The following MINDY4 variants were observed in gnomAD, a reference collection of about 807,000 sequenced individuals.
MINDY4 encodes probable ubiquitin carboxyl-terminal hydrolase MINDY-4.
A neutral mutation model predicts 87.0 loss-of-function variants in MINDY4; 68 were observed. The ratio of observed to expected loss-of-function variants is 0.78; its 90% CI spans 0.64 to 0.96. The LOEUF is 0.96. Among genes scored for constraint, MINDY4 ranks in the 40% least tolerant of loss-of-function variants. The pLI is 0.00. For synonymous variants in MINDY4, 379 were observed against 363.2 expected (o/e 1.04, Z -0.50); for missense variants, 919 against 928.2 (o/e 0.99, Z 0.13).
intron 13 of MINDY4, among the ~76,000 whole-genome samples, chr7:30,870,299 G>C (rs765624043): frequency 1.8e-4 from 27 of 152,156 alleles, no homozygotes; most frequent in Non-Finnish European, 3.4e-4. Flanking sequence ...GATGCTTATC[G>C]GCCCCCCCTC....
chr7:30,785,358 A>G (rs545740297), intron 3 of MINDY4, among the ~76,000 whole-genome samples: 61 of 151,620 alleles, frequency 4.0e-4, no homozygotes, highest in Non-Finnish European at 7.1e-4. Flanking sequence ...CAAGTTTGCT[A>G]TGGGTCTTCT....
chr7:30,827,613 T>C (rs776443523), intron 5 of MINDY4, among the ~76,000 whole-genome samples: 10 of 152,226 alleles, frequency 6.6e-5, no homozygotes, highest in Non-Finnish European at 1.3e-4. Context: ...GCAAATGACT[T>C]GACTGAGTTG....
Position 30,785,791 on chromosome 7 carries a change from A to G in MINDY4, c.462A>G (p.Ser154=), listed in dbSNP as rs774052293. The change falls in exon 4 of 18, where the codon TCA becomes TCG. Residue 154 remains serine (S), a synonymous_variant. Transcript: ENST00000265299. ...GAGATGTACTTGGTAATTTTGTATC[A>G]TCTAAAAGGCCCCCGCACAAAAGTA... ...LDGDVLGNFV[S]SKRPPHKSKP... 1.2e-6 allele frequency: 2 copies of G among 1,614,238 alleles called. No homozygotes were observed. Among genetic ancestry groups the G allele is most frequent in the Admixed American group, 1.7e-5 (1 of 60,030 alleles).
intron 5 of MINDY4, among the ~76,000 whole-genome samples, chr7:30,798,642 G>A (rs533469058): frequency 2.6e-5 from 4 of 152,092 alleles, no homozygotes; most frequent in Non-Finnish European, 4.4e-5. Flanking sequence ...GACTGCAGTC[G>A]CCCGCCACCA....
intron 5 of MINDY4, among the ~76,000 whole-genome samples, chr7:30,799,116 G>A (rs1195144826): frequency 6.6e-6 from 1 of 152,082 alleles, no homozygotes; most frequent in African/African-American, 2.4e-5. Flanking sequence ...AGTCTGCTGA[G>A]CAGACCTCCA....
chr7:30,835,116 G>A (rs1250182731), intron 6 of MINDY4, among the ~76,000 whole-genome samples: 2 of 152,160 alleles, frequency 1.3e-5, no homozygotes, highest in Non-Finnish European at 2.9e-5. Context: ...CCAATTTACT[G>A]TATTAGTCTG....
At chr7:30,790,871 C>G (rs573900292) in intron 4 of MINDY4, among the ~76,000 whole-genome samples, 109 of 152,294 alleles carry the variant, frequency 7.2e-4, no homozygotes, top group African/African-American at 2.6e-3. Flanking sequence ...GTGATGCAGA[C>G]TGGAGCGACG....
At chr7:30,836,614 G>T (rs138371071) in intron 6 of MINDY4, 44 bp from the exon 7 acceptor site, 1 of 1,483,868 alleles carries the variant, frequency 6.7e-7, no homozygotes, top group Non-Finnish European at 9.4e-7. Context: ...TCTGTTCTCC[G>T]TGAGTCATAA....
chr7:30,795,275 T>TA (rs1289626618), intron 5 of MINDY4, among the ~76,000 whole-genome samples: 2 of 152,226 alleles, frequency 1.3e-5, no homozygotes, highest in Non-Finnish European at 2.9e-5. Context: ...TCCAGCCACT[T>TA]ACTTGCTCAG....
intron 3 of MINDY4, among the ~76,000 whole-genome samples, chr7:30,783,634 G>A (rs1044484222): frequency 1.9e-4 from 29 of 152,136 alleles, no homozygotes; most frequent in African/African-American, 7.0e-4. Context: ...CTTTGGGGGG[G>A]TCACTATTCA....
At chr7:30,840,575 G>A (rs1217597398) in intron 8 of MINDY4, among the ~76,000 whole-genome samples, 185 bp from the exon 9 acceptor site, 1 of 152,196 alleles carries the variant, frequency 6.6e-6, no homozygotes, top group Non-Finnish European at 1.5e-5. Flanking sequence ...AAAGGGTCTT[G>A]TCACTCCCTC....
At chr7:30,775,054 G>T (rs10243307) in intron 1 of MINDY4, among the ~76,000 whole-genome samples, 1 of 151,818 alleles carries the variant, frequency 6.6e-6, no homozygotes, top group Non-Finnish European at 1.5e-5. Flanking sequence ...TAGTGTTTCT[G>T]CTCACACTTC....
intron 6 of MINDY4, among the ~76,000 whole-genome samples, chr7:30,832,962 G>A (rs1251454116): frequency 1.3e-5 from 2 of 151,854 alleles, no homozygotes; most frequent in Non-Finnish European, 2.9e-5. Flanking sequence ...TTTTTCTTGT[G>A]TATGTTCTTG....
Position 30,816,877 on chromosome 7 carries a change from A to G in MINDY4, c.1074-11802A>G, listed in dbSNP as rs545300986. Among the ~76,000 whole-genome samples, 17 of 152,360 alleles carry G rather than the reference A, an allele frequency of 1.1e-4. No individual in the cohort carries two copies. The East Asian group carries it at 1.7e-3, about 16-fold the overall frequency. Reference sequence around the variant, plus strand: ...ACATCCTTAAGAGGAAAGAAAAGACAGAGAGAAAAAAATATTCCTTTTATA... The same window carrying G: ...ACATCCTTAAGAGGAAAGAAAAGACGGAGAGAAAAAAATATTCCTTTTATA... On this transcript the variant is annotated intron_variant, in intron 5 of 17. Coordinates refer to ENST00000265299, the MANE Select transcript of MINDY4 (RefSeq NM_032222.3).
chr7:30,795,462 C>T (rs1452508063), intron 5 of MINDY4, among the ~76,000 whole-genome samples: 2 of 152,144 alleles, frequency 1.3e-5, no homozygotes, highest in Non-Finnish European at 1.5e-5. Flanking sequence ...CCAGGGGTAC[C>T]AAGATATGAA....
intron 9 of MINDY4, among the ~76,000 whole-genome samples, chr7:30,849,197 A>G (rs1789320523): frequency 6.6e-6 from 1 of 152,166 alleles, no homozygotes; most frequent in Non-Finnish European, 1.5e-5. Flanking sequence ...CTGTCCTGGA[A>G]AAGAGGGACG....
At chr7:30,860,616 C>G (rs898565630) in intron 13 of MINDY4, among the ~76,000 whole-genome samples, 1 of 152,072 alleles carries the variant, frequency 6.6e-6, no homozygotes. Flanking sequence ...GTCTCAGCGC[C>G]CCCATCCATG....
At position 30,852,455 on chromosome 7, in the gene MINDY4, G is replaced by C. The variant is rs571356917; in HGVS notation, c.1611+176G>C. The C allele has an allele frequency of 2.8e-5, 22 of 782,560 alleles. No individual in the cohort carries two copies. The African/African-American group carries it at 4.1e-4, about 15-fold the overall frequency. 48.5% of individuals were successfully genotyped at this position (782,560 alleles called of 1,614,324 possible). A position where few individuals can be genotyped will look rare whatever the true frequency, so the allele number is the denominator to read the frequency against. Reference sequence around the variant, plus strand: ...AGACGTGGGGTGGCTTTGGGGATGGGCTCCTGCTAGAGCTGGCTTTACGGC... The same window carrying C: ...AGACGTGGGGTGGCTTTGGGGATGGCCTCCTGCTAGAGCTGGCTTTACGGC... On this transcript the variant is annotated intron_variant, in intron 11 of 17. Coordinates refer to ENST00000265299, the MANE Select transcript of MINDY4 (RefSeq NM_032222.3).
intron 6 of MINDY4, among the ~76,000 whole-genome samples, chr7:30,834,893 T>A (rs553891489): frequency 6.6e-6 from 1 of 152,154 alleles, no homozygotes; most frequent in African/African-American, 2.4e-5. Flanking sequence ...TCCCAACAAG[T>A]TCCCCCTCTC....
Sources: allele counts gnomAD v4.1 joint callset (sites outside exome capture counted in the v4.1 genomes callset), GRCh38; gene constraint gnomAD v4.1.1; transcripts MANE v1.5; gene names NCBI Gene and HGNC (gene_info 2026-07-23, HGNC 2026-07-21).